TEC: variants seen among roughly 807,000 people sequenced by gnomAD.
The protein encoded by TEC is tec protein tyrosine kinase.
TEC carries 72 observed loss-of-function variants against 93.0 expected under a neutral mutation model. The observed-to-expected ratio is 0.77, with a 90% CI of 0.64 to 0.94. The LOEUF is 0.94. TEC is among the 40% of genes least tolerant of loss of function. The pLI is 0.00. For synonymous variants in TEC, 249 were observed against 247.7 expected, an observed-to-expected ratio of 1.01 and a Z score of -0.05; for missense variants, 630 against 757.9, an observed-to-expected ratio of 0.83 and a Z score of 1.98.
At chr4:48,253,842 C>A (rs1724272308) in intron 1 of TEC, among the ~76,000 whole-genome samples, 1 of 152,078 alleles carries the variant, frequency 6.6e-6, no homozygotes, top group Non-Finnish European at 1.5e-5. Flanking sequence ...CCCCAAAGCG[C>A]TGGTATTATA....
intron 14 of TEC, 65 bp downstream of exon 14, chr4:48,145,014 A>T (rs1560373206): frequency 6.8e-7 from 1 of 1,474,622 alleles, no homozygotes; most frequent in East Asian, 2.3e-5. Flanking sequence ...ATCATTGCAC[A>T]TTTGCTGAGC....
In TEC at chr4:48,149,546, A is replaced by G. The variant is rs760388381; in HGVS notation, c.1006+11T>C. On this transcript the variant is annotated intron_variant, in intron 11 of 17. Transcript: ENST00000381501. The stretch of plus-strand genomic sequence containing the variant: ...CCTTATATTTGAAGTAGGTTTTCAC[A>G]GCTCACTTACCTGCTGCATTGTGCT... The G allele has an allele frequency of 5.1e-6, 8 of 1,584,152 alleles. No individual in the cohort carries two copies. The highest frequency in any genetic ancestry group is 6.8e-6 in the Non-Finnish European group (8 of 1,169,544).
chr4:48,159,264 G>A (rs1331242684), intron 8 of TEC, among the ~76,000 whole-genome samples: 3 of 152,184 alleles, frequency 2.0e-5, no homozygotes, highest in Non-Finnish European at 2.9e-5. Context: ...AAGAAGCATG[G>A]TGCCAGCACC....
chr4:48,209,338 A>G (rs1305684324), intron 2 of TEC, among the ~76,000 whole-genome samples: 3 of 152,180 alleles, frequency 2.0e-5, no homozygotes, highest in Non-Finnish European at 4.4e-5. Flanking sequence ...ATAAATTTGT[A>G]GGCAGGCACA....
chr4:48,163,801 C>T, intron 7 of TEC, 34 bp from the exon 8 acceptor site: 5 of 1,195,998 alleles, frequency 4.2e-6, no homozygotes, highest in Non-Finnish European at 5.8e-6. Context: ...GGTAAACTTA[C>T]TTTACTGGGA....
At chr4:48,248,421 G>GT (rs1394364917) in intron 1 of TEC, among the ~76,000 whole-genome samples, 1 of 152,124 alleles carries the variant, frequency 6.6e-6, no homozygotes, top group Non-Finnish European at 1.5e-5. Flanking sequence ...CACGCACCCA[G>GT]TACACAGCAC....
At chr4:48,213,491 GGT>G (rs1422693606) in intron 2 of TEC, among the ~76,000 whole-genome samples, 2 of 152,070 alleles carry the variant, frequency 1.3e-5, no homozygotes, top group Non-Finnish European at 2.9e-5. Flanking sequence ...AAAACTAAAA[GGT>G]AATAACATCA....
intron 3 of TEC, among the ~76,000 whole-genome samples, chr4:48,174,052 T>C (rs1342000513): frequency 6.6e-6 from 1 of 152,260 alleles, no homozygotes; most frequent in East Asian, 1.9e-4. Flanking sequence ...ACTTAAGTTA[T>C]AATAAGAGAG....
intron 2 of TEC, among the ~76,000 whole-genome samples, chr4:48,226,415 C>T (rs1723463885): frequency 6.6e-6 from 1 of 152,092 alleles, no homozygotes; most frequent in South Asian, 2.1e-4. Flanking sequence ...TCCACATCTT[C>T]CCCCTCTGTC....
chr4:48,234,163 G>A (rs1405633502), intron 1 of TEC, among the ~76,000 whole-genome samples: 1 of 152,172 alleles, frequency 6.6e-6, no homozygotes, highest in Non-Finnish European at 1.5e-5. Flanking sequence ...CAGAAAGAAA[G>A]TGATTTCTAA....
chr4:48,209,918 T>C (rs1577639458), intron 2 of TEC, among the ~76,000 whole-genome samples: 1 of 152,248 alleles, frequency 6.6e-6, no homozygotes, highest in Non-Finnish European at 1.5e-5. Context: ...AGTATTTCAC[T>C]GTCAGAGTTT....
At chr4:48,158,452 T>C (rs990640857) in intron 8 of TEC, among the ~76,000 whole-genome samples, 1 of 152,148 alleles carries the variant, frequency 6.6e-6, no homozygotes, top group Non-Finnish European at 1.5e-5. Context: ...TTAAGAAATA[T>C]AGTAAATTAG....
intron 14 of TEC, among the ~76,000 whole-genome samples, chr4:48,142,778 T>C (rs963837470): frequency 2.0e-5 from 3 of 152,096 alleles, no homozygotes; most frequent in Non-Finnish European, 2.9e-5. Flanking sequence ...CCTCCTGGGT[T>C]CAAGTGATTC....
chr4:48,207,154 G>A (rs1404308889), intron 2 of TEC, among the ~76,000 whole-genome samples: 1 of 152,204 alleles, frequency 6.6e-6, no homozygotes, highest in African/African-American at 2.4e-5. Context: ...AATGGACCAG[G>A]TGGTAGGAAC....
intron 8 of TEC, 30 bp downstream of exon 8, chr4:48,163,672 T>G: frequency 7.5e-7 from 1 of 1,333,744 alleles, no homozygotes; most frequent in Non-Finnish European, 1.0e-6. Flanking sequence ...TTTCTGATTT[T>G]CCACATTCAC....
intron 2 of TEC, among the ~76,000 whole-genome samples, chr4:48,199,602 G>A (rs753450205): frequency 9.9e-5 from 15 of 151,168 alleles, no homozygotes; most frequent in Non-Finnish European, 1.3e-4. Context: ...GAGTAGCTGG[G>A]ACTACAGGCA....
At chr4:48,157,962 C>A (rs185455562) in intron 8 of TEC, among the ~76,000 whole-genome samples, 1 of 152,230 alleles carries the variant, frequency 6.6e-6, no homozygotes, top group Non-Finnish European at 1.5e-5. Context: ...AGAACATAGA[C>A]AATTTTCTTC....
At chr4:48,156,570 A>C (rs1190132188) in intron 9 of TEC, 110 bp downstream of exon 9, 1 of 911,230 alleles carries the variant, frequency 1.1e-6, no homozygotes. Context: ...TTTTGCATAG[A>C]CTTGCTCACT....
At chr4:48,204,823 A>T (rs776373509) in intron 2 of TEC, among the ~76,000 whole-genome samples, 33 of 152,138 alleles carry the variant, frequency 2.2e-4, no homozygotes, top group Admixed American at 6.5e-4. Context: ...TTGCTTGCTC[A>T]CTGGCTGCTC....
Sources: allele counts gnomAD v4.1 joint callset (sites outside exome capture counted in the v4.1 genomes callset), GRCh38; gene constraint gnomAD v4.1.1; transcripts MANE v1.5; gene names NCBI Gene and HGNC (gene_info 2026-07-23, HGNC 2026-07-21).